Variants in PEX14 observed in about 807,000 individuals in gnomAD.
The protein encoded by PEX14 is peroxisomal membrane protein PEX14.
In PEX14, 15 loss-of-function variants were observed where a neutral mutation model predicts 49.5. The ratio of observed to expected loss-of-function variants is 0.30; its 90% CI spans 0.20 to 0.47. PEX14 has a LOEUF of 0.47. Ranked by LOEUF, PEX14 falls within the 20% of genes least tolerant of loss-of-function variation. PEX14 has a pLI of 1.00. For missense variants in PEX14, 398 were observed against 494.8 expected, an observed-to-expected ratio of 0.80 and a Z score of 1.86; for synonymous variants, 210 against 212.7, an observed-to-expected ratio of 0.99 and a Z score of 0.11.
chr1:10,602,008 A>G (rs1640998448), intron 4 of PEX14, among the ~76,000 whole-genome samples: 1 of 152,228 alleles, frequency 6.6e-6, no homozygotes, highest in South Asian at 2.1e-4. Context: ...GGTTGATCAC[A>G]GAGTTGGCCT....
chr1:10,537,348 C>CCCCCG (rs1553187465), intron 3 of PEX14, among the ~76,000 whole-genome samples: 1 of 82,666 alleles, frequency 1.2e-5, no homozygotes, highest in African/African-American at 4.2e-5. Flanking sequence ...AGCACCCCCC[C>CCCCCG]CCCCCGCCAT....
At chr1:10,560,059 ATT>A (rs1475577830) in intron 3 of PEX14, among the ~76,000 whole-genome samples, 2 of 145,214 alleles carry the variant, frequency 1.4e-5, no homozygotes, top group African/African-American at 2.6e-5. Context: ...TCTTCCATCT[ATT>A]TTTTTTTTTT....
At chr1:10,605,755 G>A (rs1462059441) in intron 4 of PEX14, among the ~76,000 whole-genome samples, 1 of 152,158 alleles carries the variant, frequency 6.6e-6, no homozygotes, top group Non-Finnish European at 1.5e-5. Context: ...TGCTGGTTTA[G>A]CAGACAAATC....
chr1:10,526,045 C>G (rs565974243), intron 2 of PEX14, among the ~76,000 whole-genome samples: 3 of 151,486 alleles, frequency 2.0e-5, no homozygotes, highest in Non-Finnish European at 4.4e-5. Context: ...CCTCGACCTC[C>G]CTAGTAGCTG....
At chr1:10,609,726 C>A (rs1485076841) in intron 4 of PEX14, among the ~76,000 whole-genome samples, 1 of 151,890 alleles carries the variant, frequency 6.6e-6, no homozygotes, top group African/African-American at 2.4e-5. Context: ...CTCTACTAAA[C>A]GTACAAAAAT....
At chr1:10,475,257 C>A (rs1298523722) in intron 1 of PEX14, among the ~76,000 whole-genome samples, 1 of 152,076 alleles carries the variant, frequency 6.6e-6, no homozygotes, top group African/African-American at 2.4e-5. Flanking sequence ...TCCCGCCTGC[C>A]AGCACCTCTG....
At position 10,495,103 on chromosome 1, in the gene PEX14, G is replaced by T. The variant is rs945985782; in HGVS notation, c.37-171G>T. The T allele has an allele frequency of 3.0e-6, 3 of 984,964 alleles. No individual in the cohort carries two copies. Among genetic ancestry groups the T allele is most frequent in the Middle Eastern group, 1.0e-3 (2 of 1,914 alleles). The allele number at this position is 984,964 out of a possible 1,614,324, so 61.0% of individuals were successfully genotyped here. A position where few individuals can be genotyped will look rare whatever the true frequency, so the allele number is the denominator to read the frequency against. ...TCCCTGGTGAATTCAGACTCTTTGG[G>T]CTACTTTTTACAGGTAGTCCACTGC... On this transcript the variant is annotated intron_variant, in intron 1 of 8. Coordinates refer to ENST00000356607, the MANE Select transcript of PEX14 (RefSeq NM_004565.3). This position sits in a 1 kb window ranked among gnomAD's most constrained non-coding sequence, Gnocchi z 4.2.
chr1:10,548,225 C>CAAACA (rs1186799180), intron 3 of PEX14, among the ~76,000 whole-genome samples: 1 of 152,084 alleles, frequency 6.6e-6, no homozygotes, highest in African/African-American at 2.4e-5. Context: ...TCAAAACAAA[C>CAAACA]AAACAAAACA....
At chr1:10,603,439 G>C (rs758183283) in intron 4 of PEX14, among the ~76,000 whole-genome samples, 10 of 152,064 alleles carry the variant, frequency 6.6e-5, no homozygotes, top group Non-Finnish European at 1.3e-4. Context: ...GTCAGGGAAG[G>C]CTTTTGTGAA....
chr1:10,551,872 T>G (rs963983175), intron 3 of PEX14, among the ~76,000 whole-genome samples: 3 of 151,978 alleles, frequency 2.0e-5, no homozygotes, highest in Non-Finnish European at 2.9e-5. Flanking sequence ...TTAGGGAGGC[T>G]GAGGCAGGTG....
At position 10,503,354 on chromosome 1, in the gene PEX14, T is replaced by C. The variant is rs1344458707; in HGVS notation, c.84+8033T>C. Among the ~76,000 whole-genome samples, 10 of 147,252 alleles carry C rather than the reference T, an allele frequency of 6.8e-5. No homozygotes were observed. The East Asian group carries it at 1.8e-3, about 27-fold the overall frequency. On this transcript the variant is annotated intron_variant, in intron 2 of 8. Transcript: ENST00000356607. ...AAAGAAAAAAGATTATCCTGGAACATGTAGGCACTTGGTTATCTTAACCAA... is the reference window on the plus strand; with the variant it reads ...AAAGAAAAAAGATTATCCTGGAACACGTAGGCACTTGGTTATCTTAACCAA...
intron 3 of PEX14, among the ~76,000 whole-genome samples, chr1:10,547,657 G>A (rs1639215624): frequency 6.6e-6 from 1 of 152,092 alleles, no homozygotes. Flanking sequence ...ACAATATACT[G>A]TCATAAAAGT....
intron 5 of PEX14, among the ~76,000 whole-genome samples, chr1:10,620,866 A>G (rs1380522997): frequency 1.3e-5 from 2 of 152,236 alleles, no homozygotes; most frequent in African/African-American, 4.8e-5. Context: ...CTCCCTCTGA[A>G]CTGGTGCCCC....
chr1:10,480,437 G>C (rs986666007), intron 1 of PEX14, among the ~76,000 whole-genome samples: 3 of 124,352 alleles, frequency 2.4e-5, no homozygotes, highest in African/African-American at 9.6e-5. Flanking sequence ...TCTGTCTCCC[G>C]ATCTGGAGTA....
Position 10,512,977 on chromosome 1 carries a change from G to A in PEX14, c.84+17656G>A, listed in dbSNP as rs1370119078. On this transcript the variant is annotated intron_variant, in intron 2 of 8. Transcript: ENST00000356607. This position sits in a 1 kb window ranked among gnomAD's most constrained non-coding sequence, Gnocchi z 4.6. ...CTCCCAGAATGCTGGGATTACAGGC[G>A]TAGGCCACCGTGCCCGGCCCTTTTC... is the stretch of plus-strand genomic sequence containing the variant. Among the ~76,000 whole-genome samples, 4 of 152,244 alleles carry A rather than the reference G, an allele frequency of 2.6e-5. No individual in the cohort carries two copies. Among genetic ancestry groups the A allele is most frequent in the Non-Finnish European group, 2.9e-5 (2 of 68,046 alleles).
chr1:10,545,318 A>G (rs1639136806), intron 3 of PEX14, among the ~76,000 whole-genome samples: 1 of 152,146 alleles, frequency 6.6e-6, no homozygotes, highest in Non-Finnish European at 1.5e-5. Flanking sequence ...TTTTGTAGGG[A>G]CATATAATTT....
chr1:10,568,327 C>A (rs376907963), intron 3 of PEX14, among the ~76,000 whole-genome samples: 1 of 81,784 alleles, frequency 1.2e-5, no homozygotes, highest in African/African-American at 6.1e-5. Flanking sequence ...TACTCTTCCC[C>A]CCCCCCCCCC....
rs1003415497 is a variant in PEX14 at position 10,629,297 on chromosome 1, C to G, written c.678-234C>G. Reference sequence around the variant, plus strand: ...ATGGGCCTTGCCCAGGGTGGGGGCCCGGGGGGACCCTGGGCTGTCTGTGGG... The same window carrying G: ...ATGGGCCTTGCCCAGGGTGGGGGCCGGGGGGGACCCTGGGCTGTCTGTGGG... On this transcript the variant is annotated intron_variant, in intron 8 of 8. Coordinates refer to ENST00000356607, the MANE Select transcript of PEX14 (RefSeq NM_004565.3). This position sits in a 1 kb window ranked among gnomAD's most constrained non-coding sequence, Gnocchi z 8.5. 6.6e-6 allele frequency among the ~76,000 whole-genome samples: 1 copy of G among 152,172 alleles called. No individual in the cohort carries two copies. The highest frequency in any genetic ancestry group is 1.5e-5 in the Non-Finnish European group (1 of 68,012).
At chr1:10,545,717 A>G (rs140505443) in intron 3 of PEX14, among the ~76,000 whole-genome samples, 10 of 152,320 alleles carry the variant, frequency 6.6e-5, no homozygotes, top group Non-Finnish European at 1.2e-4. Flanking sequence ...GGGATTAATG[A>G]TAATATTTAC....
Sources: gnomAD v4.1 joint callset for allele counts (sites outside exome capture counted in the v4.1 genomes callset) on GRCh38, gnomAD v4.1.1 for gene constraint, Gnocchi (gnomAD v3.1) non-coding constraint, MANE v1.5 for transcripts, NCBI Gene and HGNC (gene_info 2026-07-23, HGNC 2026-07-21) for gene names.